Variants in PLEKHA6 observed in about 807,000 individuals in gnomAD.
PLEKHA6 encodes the protein pleckstrin homology domain containing A6.
In PLEKHA6, 60 loss-of-function variants were observed where a neutral mutation model predicts 116.7. The observed-to-expected ratio is 0.51, with a 90% CI of 0.42 to 0.64. The LOEUF is 0.64. Ranked by LOEUF, PLEKHA6 falls within the 30% of genes least tolerant of loss-of-function variation. PLEKHA6 has a pLI of 0.00. For missense variants in PLEKHA6, 1,338 were observed against 1,422.7 expected (o/e 0.94, Z 0.96); for synonymous variants, 489 against 556.1 (o/e 0.88, Z 1.70).
intron 2 of PLEKHA6, 128 bp from the exon 3 acceptor site, chr1:204,273,868 C>T (rs1024519511): frequency 3.0e-6 from 2 of 663,000 alleles, no homozygotes; most frequent in African/African-American, 3.6e-5. Flanking sequence ...TCTTGAGTGC[C>T]ATTGAGGGGT....
At chr1:204,281,120 G>C (rs4951349) in intron 1 of PLEKHA6, 1 of 284,598 alleles carries the variant, frequency 3.5e-6, no homozygotes, top group Non-Finnish European at 5.3e-6. Flanking sequence ...CCAGGAGGTC[G>C]AGACTGCAGT....
chr1:204,303,718 C>G (rs150279949), intron 1 of PLEKHA6, among the ~76,000 whole-genome samples: 1 of 151,968 alleles, frequency 6.6e-6, no homozygotes, highest in East Asian at 1.9e-4. Flanking sequence ...TTTTGGGGTA[C>G]GGGGGTGGTG....
upstream of PLEKHA6, among the ~76,000 whole-genome samples, chr1:204,362,472 C>A (rs1673580038): frequency 6.6e-6 from 1 of 152,190 alleles, no homozygotes; most frequent in Admixed American, 6.5e-5. Flanking sequence ...TGGTGCCATC[C>A]CCACTCCCTA....
chr1:204,370,578 T>A (rs1455320582), intron 2 of PLEKHA6, among the ~76,000 whole-genome samples: 1 of 152,222 alleles, frequency 6.6e-6, no homozygotes, highest in East Asian at 1.9e-4. Flanking sequence ...TTTTCCTTGG[T>A]TGTTTCTTCA....
chr1:204,289,083 C>T (rs1450143197), intron 1 of PLEKHA6, among the ~76,000 whole-genome samples: 2 of 152,138 alleles, frequency 1.3e-5, no homozygotes, highest in East Asian at 1.9e-4. Context: ...TGAGCAGCGC[C>T]GGGCTTGTGA....
intron 1 of PLEKHA6, among the ~76,000 whole-genome samples, chr1:204,372,959 G>A (rs1673803903): frequency 6.6e-6 from 1 of 150,570 alleles, no homozygotes; most frequent in African/African-American, 2.4e-5. Context: ...CCAGACTGGA[G>A]TGCAGTGGCA....
At chr1:204,355,606 A>ATTTTTTTTTTTTGTTTGTTTTGTTTTTTT (rs1164292986) in intron 1 of PLEKHA6, among the ~76,000 whole-genome samples, 1 of 151,866 alleles carries the variant, frequency 6.6e-6, no homozygotes, top group Non-Finnish European at 1.5e-5. Flanking sequence ...CACTTAGCTA[A>ATTTTTTTTTTTTGTTTGTTTTGTTTTTTT]TTTTTATATT....
intron 9 of PLEKHA6, among the ~76,000 whole-genome samples, chr1:204,256,315 C>T (rs935639557): frequency 1.3e-5 from 2 of 151,968 alleles, no homozygotes; most frequent in African/African-American, 2.4e-5. Context: ...GGGAGAGACA[C>T]GAGTAGAAAG....
chr1:204,268,382 A>T, intron 3 of PLEKHA6, 70 bp from the exon 4 acceptor site: 5 of 1,088,900 alleles, frequency 4.6e-6, no homozygotes, highest in African/African-American at 1.6e-5. Flanking sequence ...CAAGGGAGCC[A>T]CCCCTGCTAG....
intron 1 of PLEKHA6, among the ~76,000 whole-genome samples, chr1:204,347,941 C>T (rs767501109): frequency 9.9e-5 from 15 of 152,272 alleles, no homozygotes; most frequent in Non-Finnish European, 2.1e-4. Context: ...CCAGCTGGTA[C>T]CATCCTGAAG....
chr1:204,219,331 G>A lies in PLEKHA6; in HGVS notation c.*3457C>T, dbSNP rs12401452. On this transcript the variant is annotated 3_prime_UTR_variant, in exon 23 of 23. Coordinates refer to ENST00000272203, the MANE Select transcript of PLEKHA6 (RefSeq NM_014935.5). ...GGTAGAGGGTGCCTAAAGGGGAAAG[G>A]AATTGGTTCCCTCTTGCCGTAGCCA... 1,814 of 152,392 alleles carry A rather than the reference G, an allele frequency of 0.012. 105 individuals are homozygous for A. Among genetic ancestry groups the A allele is most frequent in the Admixed American group, 0.094 (1,438 of 15,226 alleles). The allele number at this position is 152,392 out of a possible 1,614,324, so 9.4% of individuals were successfully genotyped here.
intron 9 of PLEKHA6, chr1:204,251,672 C>T (rs1664582058): frequency 1.5e-6 from 1 of 684,534 alleles, no homozygotes; most frequent in Non-Finnish European, 2.7e-6. Flanking sequence ...ATCTCCCCTT[C>T]ACCCACCTGT....
chr1:204,221,161 G>A lies in PLEKHA6; in HGVS notation c.*1627C>T, dbSNP rs763880283. Reference sequence around the variant, plus strand: ...CCAGGCTGTAATCCCTCAGAAACATGAGAATATCCTAAGCACCTACAACAG... The same window carrying A: ...CCAGGCTGTAATCCCTCAGAAACATAAGAATATCCTAAGCACCTACAACAG... On this transcript the variant is annotated 3_prime_UTR_variant, in exon 23 of 23. Transcript: ENST00000272203. 9 of 152,770 alleles carry A rather than the reference G, an allele frequency of 5.9e-5. No individual in the cohort carries two copies. Among genetic ancestry groups the A allele is most frequent in the Non-Finnish European group, 1.2e-4 (8 of 68,030 alleles). 9.5% of individuals were successfully genotyped at this position (152,770 alleles called of 1,614,324 possible).
chr1:204,275,752 C>T (rs959651871), intron 1 of PLEKHA6: 14 of 982,006 alleles, frequency 1.4e-5, no homozygotes, highest in Non-Finnish European at 1.5e-5. Flanking sequence ...ATCCAGTAAG[C>T]GGTGACTACT....
intron 1 of PLEKHA6, chr1:204,280,570 A>G: frequency 2.1e-6 from 1 of 466,474 alleles, no homozygotes; most frequent in East Asian, 1.5e-4. Flanking sequence ...CCAGCATTAC[A>G]GCTCATTAGG....
At chr1:204,239,890 G>A (rs543388065) in intron 17 of PLEKHA6, among the ~76,000 whole-genome samples, 1 of 152,288 alleles carries the variant, frequency 6.6e-6, no homozygotes, top group East Asian at 1.9e-4. Flanking sequence ...CACCCCTAGT[G>A]ATCCACTAAC....
chr1:204,229,880 C>A (rs1398440750), intron 18 of PLEKHA6, among the ~76,000 whole-genome samples: 1 of 152,210 alleles, frequency 6.6e-6, no homozygotes, highest in Admixed American at 6.5e-5. Flanking sequence ...TACTTAATAG[C>A]TGTGTAGCCC....
intron 17 of PLEKHA6, among the ~76,000 whole-genome samples, chr1:204,237,142 G>T (rs4951322): frequency 2.0e-5 from 3 of 151,882 alleles, no homozygotes; most frequent in Admixed American, 6.5e-5. Context: ...ATGGAGGTCA[G>T]GTAATTAATG....
At chr1:204,314,257 C>T (rs1671768751) in intron 1 of PLEKHA6, among the ~76,000 whole-genome samples, 1 of 152,212 alleles carries the variant, frequency 6.6e-6, no homozygotes, top group Non-Finnish European at 1.5e-5. Flanking sequence ...CTCCCTCAAC[C>T]TGTGTCTCAG....
Sources: allele counts gnomAD v4.1 joint callset (sites outside exome capture counted in the v4.1 genomes callset), GRCh38; gene constraint gnomAD v4.1.1; transcripts MANE v1.5; gene names NCBI Gene and HGNC (gene_info 2026-07-23, HGNC 2026-07-21).